Variants in DEPTOR observed in about 807,000 individuals in gnomAD.
DEPTOR encodes the protein DEP domain-containing mTOR-interacting protein.
A neutral mutation model predicts 41.6 loss-of-function variants in DEPTOR; 41 were observed. The ratio of observed to expected loss-of-function variants is 0.98; its 90% CI spans 0.77 to 1.28. The LOEUF (loss-of-function observed/expected upper bound fraction) is 1.28. Among genes scored for constraint, DEPTOR ranks in the 50% most tolerant of loss-of-function variants. DEPTOR has a pLI of 0.00. For missense variants in DEPTOR, 514 were observed against 527.9 expected, an observed-to-expected ratio of 0.97 and a Z score of 0.26; for synonymous variants, 195 against 192.3, an observed-to-expected ratio of 1.01 and a Z score of -0.12.
intron 8 of DEPTOR, among the ~76,000 whole-genome samples, 155 bp from the exon 9 acceptor site, chr8:120,049,421 G>T (rs983512171): frequency 7.3e-5 from 11 of 151,424 alleles, no homozygotes; most frequent in Admixed American, 5.3e-4. Flanking sequence ...AAAATGTGTA[G>T]CTCCTTGGAA....
chr8:119,978,365 T>C (rs1828722968), intron 4 of DEPTOR, among the ~76,000 whole-genome samples: 1 of 152,116 alleles, frequency 6.6e-6, no homozygotes, highest in Admixed American at 6.6e-5. Flanking sequence ...GAAGAGCATA[T>C]CAGGTTTCTC....
At chr8:120,029,225 C>T (rs1273095334) in intron 8 of DEPTOR, among the ~76,000 whole-genome samples, 1 of 152,016 alleles carries the variant, frequency 6.6e-6, no homozygotes, top group Non-Finnish European at 1.5e-5. Context: ...TGAAGGTACC[C>T]ATGAATGGCT....
chr8:119,963,177 G>A (rs1828514091), intron 3 of DEPTOR, among the ~76,000 whole-genome samples: 1 of 152,156 alleles, frequency 6.6e-6, no homozygotes, highest in Admixed American at 6.5e-5. Flanking sequence ...AAAGAGGTAT[G>A]TAGGGACTGA....
Position 119,987,121 on chromosome 8 carries a change from T to C in DEPTOR, c.605-14404T>C, listed in dbSNP as rs1828838995. The stretch of plus-strand genomic sequence containing the variant: ...GGAGGAGAAGGGGCATTCTGGTTTT[T>C]GGAATTTTCAGTCTTTTTGTGCTGG... On this transcript the variant is annotated intron_variant, in intron 4 of 8. Coordinates refer to ENST00000286234, the MANE Select transcript of DEPTOR (RefSeq NM_022783.4). Among the ~76,000 whole-genome samples the C allele has an allele frequency of 3.3e-5, 5 of 152,172 alleles. No individual in the cohort carries two copies. In the South Asian group the frequency reaches 1.0e-3, roughly 32 times the overall value.
Position 120,006,869 on chromosome 8 carries a change from A to G in DEPTOR, c.990A>G (p.Thr330=), listed in dbSNP as rs1248113368. 3.7e-6 allele frequency: 6 copies of G among 1,614,214 alleles called. No homozygotes were observed. The highest frequency in any genetic ancestry group is 3.3e-5 in the Admixed American group (2 of 60,030). The change falls in exon 7 of 9, where the codon ACA becomes ACG. Residue 330 remains threonine, a synonymous_variant. Transcript: ENST00000286234. ...CCGGGGCTCCGTATGCAAGGAAGAC[A>G]TTCACGGTAGGCTGATGGTCTGGCC... ...LTPGAPYARK[T]FTIVGDAVGW...
intron 1 of DEPTOR, among the ~76,000 whole-genome samples, chr8:119,894,839 A>G (rs973331829): frequency 1.3e-5 from 2 of 152,242 alleles, no homozygotes; most frequent in African/African-American, 4.8e-5. Flanking sequence ...ATACTTATTT[A>G]TAACTACCCT....
At position 119,929,884 on chromosome 8, in the gene DEPTOR, T is replaced by C. The variant is rs1244154223; in HGVS notation, c.371T>C (p.Phe124Ser). The C allele has an allele frequency of 6.2e-7, 1 of 1,613,788 alleles. No individual in the cohort carries two copies. The highest frequency in any genetic ancestry group is 8.5e-7 in the Non-Finnish European group (1 of 1,179,868). ...CGCTTTAGAAAGGATGACGGCACCT[T>C]CCCATTGGATAATGAAGTGAAGGCC... ...FYRFRKDDGT[F>S]PLDNEVKAFM... is the part of the protein sequence containing the mutation. Residue 124 changes from phenylalanine to serine, a missense_variant, in exon 3 of 9, where the codon TTC (phenylalanine) becomes TCC (serine). By Grantham distance (155) the Phe-to-Ser change is radical. Coordinates refer to ENST00000286234, the MANE Select transcript of DEPTOR (RefSeq NM_022783.4).
chr8:119,886,128 G>C (rs1175116319), intron 1 of DEPTOR, among the ~76,000 whole-genome samples: 30 of 152,144 alleles, frequency 2.0e-4, no homozygotes, highest in Non-Finnish European at 1.2e-4. Flanking sequence ...CCTATAAGTG[G>C]AAGTTCAGGA....
intron 8 of DEPTOR, among the ~76,000 whole-genome samples, chr8:120,030,793 C>T (rs538924783): frequency 4.0e-5 from 6 of 151,820 alleles, no homozygotes; most frequent in Admixed American, 2.6e-4. Context: ...CATGCCCAGC[C>T]TCATCAATTT....
intron 4 of DEPTOR, among the ~76,000 whole-genome samples, chr8:119,968,956 T>C (rs767481103): frequency 2.6e-5 from 4 of 151,622 alleles, no homozygotes; most frequent in Admixed American, 6.6e-5. Context: ...TAGCCGGGAG[T>C]CATGGTGGAT....
At chr8:119,970,077 T>A (rs1479858005) in intron 4 of DEPTOR, among the ~76,000 whole-genome samples, 1 of 152,158 alleles carries the variant, frequency 6.6e-6, no homozygotes, top group Non-Finnish European at 1.5e-5. Context: ...AATTGTTAGA[T>A]GAATAATTAA....
chr8:120,000,993 C>G (rs1480083953), intron 4 of DEPTOR, among the ~76,000 whole-genome samples: 1 of 151,792 alleles, frequency 6.6e-6, no homozygotes, highest in East Asian at 2.0e-4. Flanking sequence ...AGGAGAATCG[C>G]TTGAACCTGG....
intron 8 of DEPTOR, among the ~76,000 whole-genome samples, chr8:120,020,990 C>T (rs923954528): frequency 2.2e-4 from 34 of 151,718 alleles, no homozygotes; most frequent in African/African-American, 7.5e-4. Flanking sequence ...ACCTTGGAGG[C>T]AGAGGTTGCA....
intron 1 of DEPTOR, among the ~76,000 whole-genome samples, chr8:119,894,034 G>T (rs1827483451): frequency 6.6e-6 from 1 of 152,166 alleles, no homozygotes; most frequent in Non-Finnish European, 1.5e-5. Context: ...TTAACAGCTT[G>T]TGTGAAAGGA....
At chr8:119,918,955 G>A (rs946358436) in intron 1 of DEPTOR, among the ~76,000 whole-genome samples, 1 of 140,282 alleles carries the variant, frequency 7.1e-6, no homozygotes, top group African/African-American at 2.7e-5. Flanking sequence ...GTGTGTGTGT[G>A]TGTGTGTGTG....
chr8:120,035,740 C>T (rs942171519), intron 8 of DEPTOR, among the ~76,000 whole-genome samples: 4 of 152,194 alleles, frequency 2.6e-5, no homozygotes, highest in Non-Finnish European at 4.4e-5. Flanking sequence ...CCACGTTGGC[C>T]AGGCTGGTTT....
At chr8:119,991,096 CTTTCTTTCTTTCTTTCTTTCTTTT>C (rs1563584715) in intron 4 of DEPTOR, among the ~76,000 whole-genome samples, 6,283 of 80,842 alleles carry the variant, frequency 0.078, 298 homozygotes, top group Non-Finnish European at 0.09. Context: ...CTTTTTCTTT[CTTTCTTTCTTTCTTTCTTTCTTTT>C]TTTTTTAAAT....
chr8:120,006,935 G>C, intron 7 of DEPTOR, 60 bp downstream of exon 7: 3 of 1,472,568 alleles, frequency 2.0e-6, no homozygotes, highest in Non-Finnish European at 2.8e-6. Flanking sequence ...CCGTGTCCAT[G>C]TGTCAATGGG....
chr8:120,042,774 C>G (rs1435242540), intron 8 of DEPTOR, among the ~76,000 whole-genome samples: 1 of 152,054 alleles, frequency 6.6e-6, no homozygotes, highest in Non-Finnish European at 1.5e-5. Context: ...CCTGCCTTGG[C>G]CTCCCAAAGT....
Sources: allele counts gnomAD v4.1 joint callset (sites outside exome capture counted in the v4.1 genomes callset), GRCh38; gene constraint gnomAD v4.1.1; transcripts MANE v1.5; gene names NCBI Gene and HGNC (gene_info 2026-07-23, HGNC 2026-07-21).